Variants in NUP35 observed in about 807,000 individuals in gnomAD.
NUP35 encodes nucleoporin 35.
In NUP35, 25 loss-of-function variants were observed where a neutral mutation model predicts 41.5. The ratio of observed to expected loss-of-function variants is 0.60; its 90% CI spans 0.44 to 0.84. NUP35 has a LOEUF of 0.84. Ranked by LOEUF, NUP35 falls within the 40% of genes least tolerant of loss-of-function variation. NUP35 has a pLI of 0.00. For missense variants in NUP35, 396 were observed against 396.6 expected (o/e 1.00, Z 0.01); for synonymous variants, 149 against 130.7 (o/e 1.14, Z -0.96).
At chr2:183,158,260 A>G (rs751367191) in intron 6 of NUP35, 23 bp from the exon 7 acceptor site, 1 of 1,462,350 alleles carries the variant, frequency 6.8e-7, no homozygotes, top group South Asian at 1.4e-5. Flanking sequence ...TTCTATTTTA[A>G]GAGACAGTTT....
chr2:183,149,590 A>G (rs370684760), intron 4 of NUP35, among the ~76,000 whole-genome samples: 2 of 152,214 alleles, frequency 1.3e-5, no homozygotes, highest in African/African-American at 4.8e-5. Context: ...AGGCAAATGA[A>G]ACTTCATGTT....
At chr2:183,142,543 A>G (rs113527084) in intron 4 of NUP35, among the ~76,000 whole-genome samples, 11,767 of 151,474 alleles carry the variant, frequency 0.078, 544 homozygotes, top group South Asian at 0.17. Context: ...GTGTAGTGGC[A>G]CAATCTCGGC....
intron 4 of NUP35, among the ~76,000 whole-genome samples, chr2:183,149,933 G>T (rs922731713): frequency 2.0e-5 from 3 of 151,416 alleles, no homozygotes; most frequent in African/African-American, 7.3e-5. Context: ...TTTTGAGACA[G>T]AGTCTCTCTG....
rs138527702 is a variant in NUP35 at position 183,133,555 on chromosome 2, T to C, written c.340-11T>C. On this transcript the variant is annotated splice_polypyrimidine_tract_variant and intron_variant, in intron 3 of 8. Transcript: ENST00000295119. Reference sequence around the variant, plus strand: ...GCATTTTTACCATAACACTTTCTTCTGTTTGTGTAGCCAAACATTTCAGTA... The same window carrying C: ...GCATTTTTACCATAACACTTTCTTCCGTTTGTGTAGCCAAACATTTCAGTA... 1.2e-3 allele frequency: 1,980 copies of C among 1,601,138 alleles called. 11 individuals carry two copies. The Middle Eastern group carries it at 0.013, about 11-fold the overall frequency.
Position 183,157,441 on chromosome 2 carries a change from C to T in NUP35, c.540-3C>T. 1 of 1,606,358 alleles carries T rather than the reference C, an allele frequency of 6.2e-7. No homozygotes were observed. Among genetic ancestry groups the T allele is most frequent in the Non-Finnish European group, 8.5e-7 (1 of 1,173,502 alleles). ...GTTTTCTTTGGACAACTCTTTTTTT[C>T]AGGTTTCCTCAAGCATCTGCTTCCT... On this transcript the variant is annotated splice_region_variant and splice_polypyrimidine_tract_variant and intron_variant, in intron 5 of 8. Coordinates refer to ENST00000295119, the MANE Select transcript of NUP35 (RefSeq NM_138285.5).
intron 5 of NUP35, among the ~76,000 whole-genome samples, chr2:183,152,309 T>C (rs1453049709): frequency 1.3e-5 from 2 of 152,100 alleles, no homozygotes; most frequent in East Asian, 1.9e-4. Flanking sequence ...TTTCCATAGG[T>C]TTTTGGGGAA....
intron 4 of NUP35, among the ~76,000 whole-genome samples, chr2:183,134,082 A>G (rs956641053): frequency 6.6e-6 from 1 of 152,244 alleles, no homozygotes; most frequent in South Asian, 2.1e-4. Context: ...TTATAAATCT[A>G]AATGCCGTTG....
At chr2:183,157,221 A>G (rs1446495248) in intron 5 of NUP35, among the ~76,000 whole-genome samples, 1 of 152,178 alleles carries the variant, frequency 6.6e-6, no homozygotes, top group Non-Finnish European at 1.5e-5. Flanking sequence ...GAATCTGAGG[A>G]TGGAGAAGAA....
chr2:183,133,832 A>G (rs1225185547), intron 4 of NUP35, among the ~76,000 whole-genome samples: 7 of 152,172 alleles, frequency 4.6e-5, no homozygotes, highest in African/African-American at 1.2e-4. Context: ...TCCAAAATCT[A>G]TAACTTCTTT....
intron 4 of NUP35, among the ~76,000 whole-genome samples, chr2:183,144,911 ATTTGT>A (rs1333496229): frequency 2.0e-5 from 3 of 152,112 alleles, no homozygotes; most frequent in Non-Finnish European, 4.4e-5. Flanking sequence ...CTTATTTTTG[ATTTGT>A]TTTATTTTTA....
At chr2:183,130,927 A>T in intron 3 of NUP35, 1 of 1,110,752 alleles carries the variant, frequency 9.0e-7, no homozygotes, top group Non-Finnish European at 1.1e-6. Flanking sequence ...TTAGAGTTTC[A>T]TCTAGATCTA....
At chr2:183,159,350 TA>T in intron 7 of NUP35, 137 bp from the exon 8 acceptor site, 1 of 701,744 alleles carries the variant, frequency 1.4e-6, no homozygotes, top group Non-Finnish European at 2.2e-6. Flanking sequence ...TTCTCAAGCC[TA>T]AAATTATTTG....
chr2:183,149,250 G>A (rs1237333518), intron 4 of NUP35, among the ~76,000 whole-genome samples: 1 of 152,136 alleles, frequency 6.6e-6, no homozygotes, highest in Non-Finnish European at 1.5e-5. Flanking sequence ...AAAAATTAAA[G>A]AGCTTTTGTT....
chr2:183,141,562 A>T (rs1452240759), intron 4 of NUP35, among the ~76,000 whole-genome samples: 1 of 152,224 alleles, frequency 6.6e-6, no homozygotes, highest in East Asian at 1.9e-4. Flanking sequence ...TACTGTGACT[A>T]TGTAAATACT....
At position 183,158,504 on chromosome 2, in the gene NUP35, C is replaced by T. The variant is rs535721266; in HGVS notation, c.738+93C>T. On this transcript the variant is annotated intron_variant, in intron 7 of 8. Transcript: ENST00000295119. ...TTGGTCGTTGTGTCACTTGGTTTCA[C>T]TGTGTCTGTTTTTCTTAGTTTGTAA... 4.4e-6 allele frequency: 5 copies of T among 1,135,952 alleles called. No homozygotes were observed. In the South Asian group the frequency reaches 1.0e-4, roughly 24 times the overall value. 70.4% of individuals were successfully genotyped at this position (1,135,952 alleles called of 1,614,324 possible).
At chr2:183,121,676 CA>C (rs1206593701), upstream of NUP35, among the ~76,000 whole-genome samples, 70 of 145,934 alleles carry the variant, frequency 4.8e-4, no homozygotes, top group Admixed American at 6.1e-4. Context: ...TACTAAAATT[CA>C]AAAAAAAAAA....
At chr2:183,127,408 A>C (rs1684532827) in intron 1 of NUP35, among the ~76,000 whole-genome samples, 1 of 152,080 alleles carries the variant, frequency 6.6e-6, no homozygotes, top group South Asian at 2.1e-4. Context: ...GTGAGTCACC[A>C]TGCCCAGCTG....
At chr2:183,156,237 A>G (rs1481201855) in intron 5 of NUP35, among the ~76,000 whole-genome samples, 1 of 151,956 alleles carries the variant, frequency 6.6e-6, no homozygotes, top group African/African-American at 2.4e-5. Context: ...CACCCAACCT[A>G]TTTGTTGTTT....
In NUP35 at chr2:183,152,878, A is replaced by G. The variant is rs116871653; in HGVS notation, c.539+1229A>G. 3.2e-4 allele frequency among the ~76,000 whole-genome samples: 48 copies of G among 152,340 alleles called. No homozygotes were observed. In the East Asian group the frequency reaches 8.1e-3, roughly 26 times the overall value. Reference sequence around the variant, plus strand: ...TACAAAAATATAAAGTTTGTTTCTGAAAGTATGATTTGCCATACTGTATTA... The same window carrying G: ...TACAAAAATATAAAGTTTGTTTCTGGAAGTATGATTTGCCATACTGTATTA... On this transcript the variant is annotated intron_variant, in intron 5 of 8. Coordinates refer to ENST00000295119, the MANE Select transcript of NUP35 (RefSeq NM_138285.5).
Sources: gnomAD v4.1 joint callset for allele counts (sites outside exome capture counted in the v4.1 genomes callset) on GRCh38, gnomAD v4.1.1 for gene constraint, MANE v1.5 for transcripts, NCBI Gene and HGNC (gene_info 2026-07-23, HGNC 2026-07-21) for gene names.